RAI1: variants seen among roughly 807,000 people sequenced by gnomAD.
RAI1 encodes the protein retinoic acid induced 1, also known as retinoic acid-induced protein 1.
Under a neutral mutation model 123.8 loss-of-function variants are expected in RAI1, and 9 were observed. The ratio of observed to expected loss-of-function variants is 0.07; its 90% CI spans 0.04 to 0.13. The LOEUF (loss-of-function observed/expected upper bound fraction) is 0.13. RAI1 is among the 10% of genes least tolerant of loss of function. RAI1 has a pLI of 1.00. For synonymous variants in RAI1, 1,231 were observed against 1,127.3 expected (o/e 1.09, Z -1.84); for missense variants, 2,256 against 2,545.8 (o/e 0.89, Z 2.45).
intron 2 of RAI1, among the ~76,000 whole-genome samples, chr17:17,751,035 C>T (rs1219907736): frequency 6.6e-6 from 1 of 152,232 alleles, no homozygotes; most frequent in Admixed American, 6.5e-5. Context: ...GGCTAGTAAC[C>T]ATTAGCCGTC....
At chr17:17,735,057 T>C (rs1598043320) in intron 2 of RAI1, among the ~76,000 whole-genome samples, 2 of 22,998 alleles carry the variant, frequency 8.7e-5, no homozygotes. Flanking sequence ...AGAAACTTAC[T>C]TTTTTTTTTT....
intron 1 of RAI1, chr17:17,683,985 A>G (rs1914534600): frequency 6.6e-6 from 1 of 152,126 alleles, no homozygotes; most frequent in Non-Finnish European, 1.5e-5. Context: ...GCGATCCTCC[A>G]GCATCAGTCT....
chr17:17,763,282 C>T (rs1731301070), intron 2 of RAI1, among the ~76,000 whole-genome samples: 2 of 152,194 alleles, frequency 1.3e-5, no homozygotes. Context: ...CACCCAGTGA[C>T]CACGGCTGCT....
chr17:17,809,367 C>G lies in RAI1; in HGVS notation c.5660-23C>G. ...TGGGGCCCCCACCCTGTCCTAACCA[C>G]CGAAACTTCTCTTTGGTCACAGGTT... On this transcript the variant is annotated intron_variant, in intron 4 of 5. Coordinates refer to ENST00000353383, the MANE Select transcript of RAI1 (RefSeq NM_030665.4). The surrounding 1 kb of genome is among the most constrained non-coding windows in gnomAD (Gnocchi z 4.9). The G allele has an allele frequency of 1.9e-6, 3 of 1,597,548 alleles. No homozygotes were observed. The highest frequency in any genetic ancestry group is 2.6e-6 in the Non-Finnish European group (3 of 1,165,040).
chr17:17,718,046 G>T (rs1278143183), intron 1 of RAI1, among the ~76,000 whole-genome samples: 4 of 152,182 alleles, frequency 2.6e-5, no homozygotes, highest in Admixed American at 2.6e-4. Flanking sequence ...AAAGCAGGCA[G>T]AAGACGCCTC....
chr17:17,711,289 G>A (rs1196451597), intron 1 of RAI1, among the ~76,000 whole-genome samples: 2 of 152,178 alleles, frequency 1.3e-5, no homozygotes, highest in East Asian at 1.9e-4. Context: ...TGGAGCACCC[G>A]TCCCCCATGA....
intron 2 of RAI1, among the ~76,000 whole-genome samples, chr17:17,760,601 G>A (rs2030650325): frequency 6.6e-6 from 1 of 152,250 alleles, no homozygotes; most frequent in South Asian, 2.1e-4. Context: ...CCACCCAGAA[G>A]TCAAAGGGTG....
At chr17:17,779,838 G>C (rs532510525) in intron 2 of RAI1, among the ~76,000 whole-genome samples, 1 of 141,470 alleles carries the variant, frequency 7.1e-6, no homozygotes, top group East Asian at 2.2e-4. Flanking sequence ...GCAGTGGCGC[G>C]ATCTTGGCTC....
At chr17:17,768,259 G>T (rs1440089264) in intron 2 of RAI1, among the ~76,000 whole-genome samples, 2 of 152,176 alleles carry the variant, frequency 1.3e-5, no homozygotes. Context: ...GCTGCCCAGG[G>T]CTGGCGCTCA....
rs2032284230 is a variant in RAI1 at position 17,797,022 on chromosome 17, C to T, written c.4074C>T (p.Ser1358=). Reference sequence around the variant, plus strand: ...GGGCCTCTCCTGGTAATCCTCTGAGCCCATCCCTTTCCGACAAAGACCGTG... The same window carrying T: ...GGGCCTCTCCTGGTAATCCTCTGAGTCCATCCCTTTCCGACAAAGACCGTG... ...APGASPGNPL[S]PSLSDKDRGL... The change falls in exon 3 of 6, where the codon AGC becomes AGT. Residue 1358 remains serine, a synonymous_variant. Transcript: ENST00000353383. 4 of 1,613,906 alleles carry T rather than the reference C, an allele frequency of 2.5e-6. No individual in the cohort carries two copies. Among genetic ancestry groups the T allele is most frequent in the Non-Finnish European group, 3.4e-6 (4 of 1,180,048 alleles).
At chr17:17,807,410 G>T (rs895918123) in intron 4 of RAI1, among the ~76,000 whole-genome samples, 1 of 152,162 alleles carries the variant, frequency 6.6e-6, no homozygotes, top group African/African-American at 2.4e-5. Context: ...CCTGCACTGC[G>T]CTGTCCTGGC....
At chr17:17,704,903 C>T (rs889040273) in intron 1 of RAI1, among the ~76,000 whole-genome samples, 10 of 152,050 alleles carry the variant, frequency 6.6e-5, no homozygotes, top group African/African-American at 1.2e-4. Flanking sequence ...AGTTATGGCC[C>T]GTGAGGTGTG....
At position 17,798,095 on chromosome 17, in the gene RAI1, A is replaced by G. The variant is rs1445682963; in HGVS notation, c.5147A>G (p.Lys1716Arg). The G allele has an allele frequency of 1.2e-6, 2 of 1,613,974 alleles. No homozygotes were observed. The highest frequency in any genetic ancestry group is 8.5e-7 in the Non-Finnish European group (1 of 1,180,022). ...CCTGAACACTGCCTCCCCAAAAAGA[A>G]GCCAAAACTCAAGGAGAAGGTGCGG... is the stretch of plus-strand genomic sequence containing the variant. Reference protein sequence around the residue: ...YYPEHCLPKKKPKLKEKVRPE... With the variant: ...YYPEHCLPKKRPKLKEKVRPE... Residue 1716 changes from lysine to arginine, a missense_variant, in exon 3 of 6, where the codon AAG becomes AGG. Coordinates refer to ENST00000353383, the MANE Select transcript of RAI1 (RefSeq NM_030665.4).
In RAI1 at chr17:17,799,464, C is replaced by G. The variant is rs889498005; in HGVS notation, c.5565+951C>G. Among the ~76,000 whole-genome samples, 2 of 152,120 alleles carry G rather than the reference C, an allele frequency of 1.3e-5. No individual in the cohort carries two copies. The highest frequency in any genetic ancestry group is 1.3e-4 in the Admixed American group (2 of 15,276). On this transcript the variant is annotated intron_variant, in intron 3 of 5. Coordinates refer to ENST00000353383, the MANE Select transcript of RAI1 (RefSeq NM_030665.4). The surrounding 1 kb of genome is among the most constrained non-coding windows in gnomAD (Gnocchi z 4.5). ...GGGGGCGGTGGGGTGCACCTCTCCC[C>G]CGGGGCCATGCTTCTGCCCCCACAT...
intron 1 of RAI1, among the ~76,000 whole-genome samples, chr17:17,723,325 T>C (rs1915948174): frequency 7.5e-6 from 1 of 133,732 alleles, no homozygotes; most frequent in African/African-American, 3.0e-5. Flanking sequence ...ACACATTCAC[T>C]AGCTTGTATC....
At chr17:17,735,765 A>T (rs1916414054) in intron 2 of RAI1, among the ~76,000 whole-genome samples, 1 of 152,180 alleles carries the variant, frequency 6.6e-6, no homozygotes, top group Non-Finnish European at 1.5e-5. Flanking sequence ...CAGATGCCCA[A>T]CCTGTGCCTT....
At chr17:17,726,680 T>A (rs1916100087) in intron 2 of RAI1, among the ~76,000 whole-genome samples, 1 of 152,262 alleles carries the variant, frequency 6.6e-6, no homozygotes, top group South Asian at 2.1e-4. Context: ...TGGTTTTTTT[T>A]AAACCTTTTT....
chr17:17,694,180 C>CT (rs1201471934), intron 1 of RAI1, among the ~76,000 whole-genome samples: 1 of 152,138 alleles, frequency 6.6e-6, no homozygotes, highest in Non-Finnish European at 1.5e-5. Context: ...TCTGTGGGCA[C>CT]TTTGGAGTCT....
Position 17,796,210 on chromosome 17 carries a change from C to G in RAI1, c.3262C>G (p.Gln1088Glu). 1 of 1,555,776 alleles carries G rather than the reference C, an allele frequency of 6.4e-7. No individual in the cohort carries two copies. The highest frequency in any genetic ancestry group is 8.7e-7 in the Non-Finnish European group (1 of 1,150,214). ...ACCCCCAGACAAACTGGGGGGCAAG[C>G]AGCGAGCCGCCTTCAAGTCGGGCAA... ...PAPPDKLGGK[Q>E]RAAFKSGKRV... The change falls in exon 3 of 6, where the codon CAG (glutamine) becomes GAG (glutamate). Residue 1088 changes from glutamine to glutamate, a missense_variant. Physicochemically the swap from Gln to Glu is conservative, Grantham distance 29. Coordinates refer to ENST00000353383, the MANE Select transcript of RAI1 (RefSeq NM_030665.4). This position sits in a 1 kb window ranked among gnomAD's most constrained non-coding sequence, Gnocchi z 5.8.
Sources: gnomAD v4.1 joint callset for allele counts (sites outside exome capture counted in the v4.1 genomes callset) on GRCh38, gnomAD v4.1.1 for gene constraint, Gnocchi (gnomAD v3.1) non-coding constraint, MANE v1.5 for transcripts, NCBI Gene and HGNC (gene_info 2026-07-23, HGNC 2026-07-21) for gene names.